CDH18: variants seen among roughly 807,000 people sequenced by gnomAD.
CDH18 encodes the protein cadherin-18.
CDH18 carries 31 observed loss-of-function variants against 67.9 expected under a neutral mutation model. The ratio of observed to expected loss-of-function variants is 0.46; its 90% confidence interval spans 0.34 to 0.62. CDH18 has a LOEUF of 0.62. CDH18 is among the 20% of genes least tolerant of loss of function. The pLI is 0.01. For missense variants in CDH18, 890 were observed against 975.5 expected (o/e 0.91, Z 1.17); for synonymous variants, 362 against 347.2 (o/e 1.04, Z -0.48).
intron 1 of CDH18, among the ~76,000 whole-genome samples, chr5:20,312,095 T>C (rs1374474219): frequency 6.6e-6 from 1 of 152,180 alleles, no homozygotes. Context: ...CAGTATTCTT[T>C]TTCCCTCTGT....
At chr5:20,115,704 CATGG>C (rs1398529966) in intron 2 of CDH18, among the ~76,000 whole-genome samples, 1 of 152,036 alleles carries the variant, frequency 6.6e-6, no homozygotes, top group African/African-American at 2.4e-5. Context: ...AGGAATCCTC[CATGG>C]GTTATACCAT....
chr5:20,206,771 G>GA (rs947380871), intron 2 of CDH18, among the ~76,000 whole-genome samples: 3 of 151,908 alleles, frequency 2.0e-5, no homozygotes, highest in African/African-American at 4.8e-5. Flanking sequence ...AATAGATGCT[G>GA]AAAAAACATT....
At chr5:19,970,400 A>C (rs1381184467) in intron 2 of CDH18, among the ~76,000 whole-genome samples, 2 of 151,650 alleles carry the variant, frequency 1.3e-5, no homozygotes, top group Non-Finnish European at 1.5e-5. Flanking sequence ...GCAATAAGAG[A>C]GGATATCCTT....
At chr5:19,794,061 G>A (rs1041178809) in intron 3 of CDH18, among the ~76,000 whole-genome samples, 1 of 152,036 alleles carries the variant, frequency 6.6e-6, no homozygotes, top group Admixed American at 6.6e-5. Context: ...AAAATTTCAA[G>A]TTAAATTATC....
At chr5:19,826,210 T>C (rs979759283) in intron 3 of CDH18, among the ~76,000 whole-genome samples, 1 of 151,874 alleles carries the variant, frequency 6.6e-6, no homozygotes, top group Non-Finnish European at 1.5e-5. Flanking sequence ...GAACAAAACC[T>C]CCAAGAAATA....
rs188717644 is a variant in CDH18 at position 20,157,507 on chromosome 5, T to C, written c.-518+97937A>G. Among the ~76,000 whole-genome samples the C allele has an allele frequency of 2.2e-3, 341 of 152,316 alleles. 4 individuals carry two copies. The South Asian group carries it at 0.024, about 11-fold the overall frequency. On this transcript the variant is annotated intron_variant, in intron 2 of 14. Transcript: ENST00000507958. ...CATGAGAAATGTTATTGTGCATATA[T>C]AATGCATAGTGATTAATTCAGGGTA...
At chr5:20,514,434 G>A (rs1370617394) in intron 1 of CDH18, among the ~76,000 whole-genome samples, 1 of 152,044 alleles carries the variant, frequency 6.6e-6, no homozygotes, top group Admixed American at 6.6e-5. Flanking sequence ...AAGCTTGGTC[G>A]TCATGCTTTT....
At chr5:20,257,288 G>A (rs532401234) in intron 1 of CDH18, among the ~76,000 whole-genome samples, 32 of 152,152 alleles carry the variant, frequency 2.1e-4, no homozygotes, top group African/African-American at 7.5e-4. Flanking sequence ...ATGATTTGGG[G>A]TGAGAAGCAG....
chr5:20,526,285 G>C (rs530605123), intron 1 of CDH18, among the ~76,000 whole-genome samples: 14 of 152,092 alleles, frequency 9.2e-5, no homozygotes, highest in African/African-American at 3.4e-4. Flanking sequence ...AGCACCTAGC[G>C]GGGAGGGGCA....
At chr5:20,361,736 C>T (rs568284403) in intron 1 of CDH18, among the ~76,000 whole-genome samples, 1 of 152,128 alleles carries the variant, frequency 6.6e-6, no homozygotes, top group African/African-American at 2.4e-5. Flanking sequence ...TCAACTTCAT[C>T]CTTCAGCTTA....
intron 11 of CDH18, among the ~76,000 whole-genome samples, chr5:19,495,717 C>CAAA (rs749003068): frequency 6.1e-3 from 280 of 45,928 alleles, no homozygotes; most frequent in Middle Eastern, 0.018. Context: ...GAAACTGTCT[C>CAAA]AAAAAAAAAA....
chr5:19,576,784 A>G (rs1311997874), intron 7 of CDH18, among the ~76,000 whole-genome samples: 1 of 152,160 alleles, frequency 6.6e-6, no homozygotes, highest in East Asian at 1.9e-4. Context: ...ACATGGCTGC[A>G]CCCTTATATT....
At chr5:19,866,515 T>A (rs924016059) in intron 2 of CDH18, among the ~76,000 whole-genome samples, 1 of 152,026 alleles carries the variant, frequency 6.6e-6, no homozygotes, top group Admixed American at 6.6e-5. Flanking sequence ...AAAGACAAGA[T>A]GAAGAAAGCA....
chr5:19,856,563 G>T (rs1164727228), intron 2 of CDH18, among the ~76,000 whole-genome samples: 2 of 152,102 alleles, frequency 1.3e-5, no homozygotes, highest in Non-Finnish European at 2.9e-5. Flanking sequence ...TAAATCTCCA[G>T]TACCTCCGAA....
intron 1 of CDH18, among the ~76,000 whole-genome samples, chr5:20,552,610 CA>C (rs1389464088): frequency 1.3e-5 from 2 of 151,928 alleles, no homozygotes; most frequent in East Asian, 3.9e-4. Context: ...TCAAATACTT[CA>C]AAAAAGTTAT....
At chr5:20,063,333 A>C (rs1742672887) in intron 2 of CDH18, among the ~76,000 whole-genome samples, 1 of 152,014 alleles carries the variant, frequency 6.6e-6, no homozygotes, top group Non-Finnish European at 1.5e-5. Context: ...AAATTAAATA[A>C]ATTTATTATA....
At chr5:20,476,997 T>C (rs2150248480) in intron 1 of CDH18, among the ~76,000 whole-genome samples, 1 of 152,258 alleles carries the variant, frequency 6.6e-6, no homozygotes, top group Non-Finnish European at 1.5e-5. Flanking sequence ...GTGTCTGCTG[T>C]TTTTAATTTC....
At position 20,274,380 on chromosome 5, in the gene CDH18, AG is replaced by A. The variant is rs139168730; in HGVS notation, c.-579-18876del. 5.7e-3 allele frequency among the ~76,000 whole-genome samples: 872 copies of A among 152,254 alleles called. 11 individuals carry two copies. The highest frequency in any genetic ancestry group is 0.02 in the African/African-American group (836 of 41,566). On this transcript the variant is annotated intron_variant, in intron 1 of 14. Coordinates refer to the CDH18 transcript ENST00000507958. ...TGAAATAAGTCAGAAGATCCCTTCC[AG>A]AAAAAAAACCTACAAGGGTACAATT... is the stretch of plus-strand genomic sequence containing the variant.
intron 11 of CDH18, among the ~76,000 whole-genome samples, chr5:19,499,930 G>C (rs1253527788): frequency 6.6e-6 from 1 of 152,018 alleles, no homozygotes; most frequent in Non-Finnish European, 1.5e-5. Flanking sequence ...TCTGATTTCT[G>C]TTGTTTCTCT....
Sources: allele counts gnomAD v4.1 joint callset (sites outside exome capture counted in the v4.1 genomes callset), GRCh38; gene constraint gnomAD v4.1.1; transcripts MANE v1.5; gene names NCBI Gene and HGNC (gene_info 2026-07-23, HGNC 2026-07-21).